The following KIF3B variants were observed in gnomAD, a reference collection of about 807,000 sequenced individuals.
KIF3B encodes kinesin family member 3B.
A neutral mutation model predicts 74.3 loss-of-function variants in KIF3B; 38 were observed. The observed-to-expected ratio is 0.51, with a 90% CI of 0.39 to 0.67. KIF3B has a LOEUF of 0.67. Ranked by LOEUF, KIF3B falls within the 30% of genes least tolerant of loss-of-function variation. KIF3B has a pLI of 0.00. For synonymous variants in KIF3B, 326 were observed against 342.5 expected (o/e 0.95, Z 0.53); for missense variants, 649 against 932.0 (o/e 0.70, Z 3.95).
At chr20:32,318,464 A>G (rs529405174) in intron 5 of KIF3B, among the ~76,000 whole-genome samples, 9 of 152,106 alleles carry the variant, frequency 5.9e-5, no homozygotes, top group Non-Finnish European at 1.2e-4. Context: ...ACTCCTCATT[A>G]CCCCCTTTCC....
rs185234474 is a variant in KIF3B, at chr20:32,279,896, A to T, written c.-66+2131A>T. ...CAGTTGTGGTTAAAAGCTTGCAATC[A>T]GACTACCTGGACTAAAATCTTGGCT... On this transcript the variant is annotated intron_variant, in intron 1 of 8. Transcript: ENST00000375712. Among the ~76,000 whole-genome samples the T allele has an allele frequency of 1.8e-4, 27 of 152,330 alleles. No individual in the cohort carries two copies. In the East Asian group the frequency reaches 4.6e-3, roughly 26 times the overall value.
At chr20:32,286,581 C>G (rs1197462350) in intron 1 of KIF3B, among the ~76,000 whole-genome samples, 1 of 151,920 alleles carries the variant, frequency 6.6e-6, no homozygotes, top group African/African-American at 2.4e-5. Flanking sequence ...ATAATTTTTT[C>G]CGATTATAAA....
intron 1 of KIF3B, among the ~76,000 whole-genome samples, chr20:32,296,088 C>T (rs948510962): frequency 4.0e-5 from 6 of 151,754 alleles, no homozygotes; most frequent in Non-Finnish European, 7.4e-5. Flanking sequence ...TGGTCTCGAT[C>T]TCTTGACCTT....
intron 1 of KIF3B, among the ~76,000 whole-genome samples, chr20:32,294,473 T>C (rs1055816470): frequency 2.6e-5 from 4 of 152,128 alleles, no homozygotes; most frequent in Non-Finnish European, 5.9e-5. Flanking sequence ...TCAAAATACA[T>C]GCACCCATCA....
In KIF3B at chr20:32,278,447, C is replaced by G. The variant is rs750143423; in HGVS notation, c.-66+682C>G. ...TGGCACATAGTAAGTGCTCAACCAG[C>G]TATTATGAGGCGTCCAGGGTAGGAG... is the stretch of plus-strand genomic sequence containing the variant. On this transcript the variant is annotated intron_variant, in intron 1 of 8. Transcript: ENST00000375712. 8.5e-5 allele frequency among the ~76,000 whole-genome samples: 13 copies of G among 152,214 alleles called. 4 individuals are homozygous for G. Among genetic ancestry groups the G allele is most frequent in the Non-Finnish European group, 1.5e-5 (1 of 68,006 alleles).
At chr20:32,280,971 C>A (rs1453008319) in intron 1 of KIF3B, among the ~76,000 whole-genome samples, 1 of 152,136 alleles carries the variant, frequency 6.6e-6, no homozygotes. Flanking sequence ...GCCACTGATT[C>A]TAATCTGTTT....
rs540409816 is a variant in KIF3B, at chr20:32,310,317, T to C, written c.540T>C (p.Ser180=). 6.2e-7 allele frequency: 1 copy of C among 1,613,986 alleles called. No individual in the cohort carries two copies. Among genetic ancestry groups the C allele is most frequent in the Non-Finnish European group, 8.5e-7 (1 of 1,179,882 alleles). The change falls in exon 2 of 9, where the codon TCT becomes TCC. Residue 180 remains serine (S), a synonymous_variant. Coordinates refer to ENST00000375712, the MANE Select transcript of KIF3B (RefSeq NM_004798.4). This position sits in a 1 kb window ranked among gnomAD's most constrained non-coding sequence, Gnocchi z 6.5. The part of the protein sequence containing the change: ...PDTGVYVKDL[S]SFVTKSVKEI... ...CAGGAGTGTATGTGAAAGACCTGTCTTCCTTTGTCACCAAGAGTGTGAAGG... is the reference window on the plus strand; with the variant it reads ...CAGGAGTGTATGTGAAAGACCTGTCCTCCTTTGTCACCAAGAGTGTGAAGG...
chr20:32,313,987 C>T lies in KIF3B; in HGVS notation c.1405-2231C>T, dbSNP rs181409215. Among the ~76,000 whole-genome samples, 59 of 152,244 alleles carry T rather than the reference C, an allele frequency of 3.9e-4. No individual in the cohort carries two copies. In the East Asian group the frequency reaches 0.01, roughly 26 times the overall value. ...TCTCCCAAAGTGTCAGGATTACAGG[C>T]GTGAGCCACCGCACCCTTATGTCCG... On this transcript the variant is annotated intron_variant, in intron 2 of 8. Coordinates refer to ENST00000375712, the MANE Select transcript of KIF3B (RefSeq NM_004798.4).
chr20:32,322,768 T>A (rs1385661468), intron 5 of KIF3B, among the ~76,000 whole-genome samples: 1 of 34,138 alleles, frequency 2.9e-5, no homozygotes, highest in African/African-American at 1.5e-4. Flanking sequence ...TTATATATAT[T>A]TATATATATA....
chr20:32,323,516 C>T (rs554663307), intron 5 of KIF3B, among the ~76,000 whole-genome samples: 11 of 152,066 alleles, frequency 7.2e-5, no homozygotes, highest in South Asian at 2.1e-4. Flanking sequence ...TCTCCTGCCT[C>T]GGCCTCCCAG....
chr20:32,313,718 T>C (rs2047813092), intron 2 of KIF3B, among the ~76,000 whole-genome samples: 1 of 151,970 alleles, frequency 6.6e-6, no homozygotes, highest in Admixed American at 6.6e-5. Flanking sequence ...TTTGTTTTGT[T>C]TTGTTTTGAG....
At position 32,309,893 on chromosome 20, in the gene KIF3B, G is replaced by A; in HGVS notation, c.116G>A (p.Gly39Glu). The change falls in exon 2 of 9, where the codon GGG becomes GAG. Residue 39 changes from glycine (G) to glutamate (E), a missense_variant. Coordinates refer to ENST00000375712, the MANE Select transcript of KIF3B (RefSeq NM_004798.4). ...DKVVDVDVKL[G>E]QVSVKNPKGT... ...GTGGTGGATGTGGATGTTAAGCTGGGGCAGGTGTCTGTGAAGAACCCCAAA... is the reference window on the plus strand; with the variant it reads ...GTGGTGGATGTGGATGTTAAGCTGGAGCAGGTGTCTGTGAAGAACCCCAAA... 6.2e-7 allele frequency: 1 copy of A among 1,614,118 alleles called. No individual in the cohort carries two copies. Among genetic ancestry groups the A allele is most frequent in the Non-Finnish European group, 8.5e-7 (1 of 1,180,030 alleles).
chr20:32,331,302 G>A lies in KIF3B; in HGVS notation c.2227G>A (p.Gly743Arg). Residue 743 changes from glycine (G) to arginine (R), a missense_variant, in exon 9 of 9, where the codon GGG becomes AGG. Coordinates refer to ENST00000375712, the MANE Select transcript of KIF3B (RefSeq NM_004798.4). The part of the protein sequence containing the change: ...PASQLYPQSR[G>R]LVPK The stretch of plus-strand genomic sequence containing the variant: ...ATCTCAGCTTTATCCACAGTCTCGG[G>A]GGCTGGTTCCAAAGTAAAGCCAGCT... 1.2e-6 allele frequency: 2 copies of A among 1,610,216 alleles called. No individual in the cohort carries two copies. Among genetic ancestry groups the A allele is most frequent in the Non-Finnish European group, 1.7e-6 (2 of 1,179,086 alleles).
At position 32,331,247 on chromosome 20, in the gene KIF3B, A is replaced by ACTTCC. The variant is rs2047928317; in HGVS notation, c.2172_2173insCTTCC (p.Ser725LeufsTer41). On this transcript the variant is annotated frameshift_variant, in exon 9 of 9. Transcript: ENST00000375712. LOFTEE classifies it high-confidence loss of function. ...GGCCTAAAAGTGGAAGGAAGTCGGG[A>ACTTCC]TCCTCCTCCTCTTCCTCAGGAACCC... is the stretch of plus-strand genomic sequence containing the variant. The ACTTCC allele has an allele frequency of 1.2e-6, 2 of 1,613,456 alleles. No individual in the cohort carries two copies. Among genetic ancestry groups the ACTTCC allele is most frequent in the Non-Finnish European group, 1.7e-6 (2 of 1,179,870 alleles).
chr20:32,323,095 T>G (rs2047882161), intron 5 of KIF3B, among the ~76,000 whole-genome samples: 1 of 112,162 alleles, frequency 8.9e-6, no homozygotes, highest in African/African-American at 3.6e-5. Flanking sequence ...TATTTATATT[T>G]ATATATTTAT....
At chr20:32,320,241 T>A (rs1041086148) in intron 5 of KIF3B, among the ~76,000 whole-genome samples, 3 of 152,156 alleles carry the variant, frequency 2.0e-5, no homozygotes, top group Non-Finnish European at 4.4e-5. Flanking sequence ...TACCACTTTC[T>A]CATGAGATTC....
At chr20:32,321,221 G>A (rs1022321425) in intron 5 of KIF3B, among the ~76,000 whole-genome samples, 1 of 152,054 alleles carries the variant, frequency 6.6e-6, no homozygotes, top group African/African-American at 2.4e-5. Flanking sequence ...CTGAGGTCAG[G>A]AGTTCGAGAT....
chr20:32,301,788 C>T (rs1422944244), intron 1 of KIF3B, among the ~76,000 whole-genome samples: 1 of 152,124 alleles, frequency 6.6e-6, no homozygotes, highest in African/African-American at 2.4e-5. Flanking sequence ...ACTGAGAATC[C>T]AATTCATACC....
chr20:32,325,351 G>A (rs1308573354), intron 5 of KIF3B, among the ~76,000 whole-genome samples: 4 of 151,902 alleles, frequency 2.6e-5, no homozygotes, highest in Non-Finnish European at 5.9e-5. Flanking sequence ...AACCACGCAC[G>A]GCTAATTTTT....
Sources: allele counts gnomAD v4.1 joint callset (sites outside exome capture counted in the v4.1 genomes callset), GRCh38; gene constraint gnomAD v4.1.1; non-coding constraint Gnocchi (gnomAD v3.1); transcripts MANE v1.5; gene names NCBI Gene and HGNC (gene_info 2026-07-23, HGNC 2026-07-21).